TUBB3: variants seen among roughly 807,000 people sequenced by gnomAD.
TUBB3 encodes tubulin beta 3 class III.
In TUBB3, 17 loss-of-function variants were observed where a neutral mutation model predicts 37.8. The observed-to-expected ratio is 0.45, with a 90% CI of 0.31 to 0.67. TUBB3 has a LOEUF of 0.67. TUBB3 is among the 30% of genes least tolerant of loss of function. The probability of loss-of-function intolerance (pLI) is 0.07; values close to 1 mark genes in which losing one functional copy is unlikely to be tolerated. For missense variants in TUBB3, 262 were observed against 657.9 expected (o/e 0.40, Z 6.58); for synonymous variants, 332 against 278.9 (o/e 1.19, Z -1.90).
intron 1 of TUBB3, among the ~76,000 whole-genome samples, chr16:89,930,548 G>A (rs933759191): frequency 6.6e-5 from 10 of 151,206 alleles, no homozygotes; most frequent in Admixed American, 5.9e-4. Flanking sequence ...CTCAGCTTCC[G>A]GAGTAGCTGG....
upstream of TUBB3, among the ~76,000 whole-genome samples, chr16:89,922,819 T>C (rs1037807399): frequency 3.9e-5 from 6 of 152,186 alleles, no homozygotes; most frequent in African/African-American, 1.4e-4. Flanking sequence ...TCCGACGCTT[T>C]GTTTCTTCTC....
intron 3 of TUBB3, 177 bp downstream of exon 3, chr16:89,933,755 G>A: frequency 2.8e-6 from 2 of 713,886 alleles, no homozygotes; most frequent in Non-Finnish European, 5.1e-6. Flanking sequence ...AAAGGGTTCT[G>A]TGGGGAGAAC....
Position 89,933,456 on chromosome 16 carries a change from C to G in TUBB3, c.167-12C>G. 5.6e-6 allele frequency: 9 copies of G among 1,609,246 alleles called. No homozygotes were observed. The highest frequency in any genetic ancestry group is 7.7e-6 in the Non-Finnish European group (9 of 1,175,586). Reference sequence around the variant, plus strand: ...CTGTGACCCGAATCACCGAGCCCCTCTCTCCCCTCAGCTCACAAGTACGTG... The same window carrying G: ...CTGTGACCCGAATCACCGAGCCCCTGTCTCCCCTCAGCTCACAAGTACGTG... On this transcript the variant is annotated splice_polypyrimidine_tract_variant and intron_variant, in intron 2 of 3. Transcript: ENST00000315491.
chr16:89,926,467 G>T (rs2030088641), intron 1 of TUBB3, among the ~76,000 whole-genome samples: 1 of 152,240 alleles, frequency 6.6e-6, no homozygotes. Context: ...CTCAAAGCCC[G>T]GCCCCGCTTT....
intron 1 of TUBB3, among the ~76,000 whole-genome samples, chr16:89,926,551 C>T (rs1017403808): frequency 6.6e-5 from 10 of 152,328 alleles, no homozygotes; most frequent in South Asian, 4.1e-4. Context: ...CCTCGAACGC[C>T]GGGTTCTGCT....
At chr16:89,929,004 A>G (rs1444205693) in intron 1 of TUBB3, among the ~76,000 whole-genome samples, 3 of 134,796 alleles carry the variant, frequency 2.2e-5, no homozygotes, top group Non-Finnish European at 4.7e-5. Context: ...CTCTTGTCCC[A>G]CAGGCTGGTG....
At chr16:89,929,514 GT>G (rs1341579454) in intron 1 of TUBB3, among the ~76,000 whole-genome samples, 4 of 152,060 alleles carry the variant, frequency 2.6e-5, no homozygotes, top group Non-Finnish European at 5.9e-5. Flanking sequence ...TATTCTTAAG[GT>G]TTTAAAAACA....
chr16:89,926,845 G>A (rs559044041), intron 1 of TUBB3, among the ~76,000 whole-genome samples: 1 of 152,200 alleles, frequency 6.6e-6, no homozygotes, highest in East Asian at 1.9e-4. Flanking sequence ...AGCCTCCTGA[G>A]TAGCTGGGAT....
In TUBB3 at chr16:89,923,365, C is replaced by T. The variant is rs750230530; in HGVS notation, c.-37C>T. 4 of 1,443,580 alleles carry T rather than the reference C, an allele frequency of 2.8e-6. No homozygotes were observed. Among genetic ancestry groups the T allele is most frequent in the South Asian group, 2.7e-5 (2 of 75,428 alleles). 89.4% of individuals were successfully genotyped at this position (1,443,580 alleles called of 1,614,324 possible). ...CCCTCAGCAGCCAGCCCGGCCCGCC[C>T]GCGCCCGTCCGCAGCCGCCCGCCAG... On this transcript the variant is annotated 5_prime_UTR_variant, in exon 1 of 4. Transcript: ENST00000315491.
intron 2 of TUBB3, 77 bp from the exon 3 acceptor site, chr16:89,933,391 G>C (rs533631554): frequency 8.4e-7 from 1 of 1,192,752 alleles, no homozygotes; most frequent in Admixed American, 1.7e-5. Context: ...TGGCAGGCGG[G>C]CACAGAATTC....
chr16:89,923,511 C>T (rs1272804999), intron 1 of TUBB3, 53 bp downstream of exon 1: 2 of 1,345,616 alleles, frequency 1.5e-6, no homozygotes, highest in Non-Finnish European at 1.9e-6. Flanking sequence ...AGGAGGGAGG[C>T]GCCGTGCCCC....
At chr16:89,923,547 G>A in intron 1 of TUBB3, 89 bp downstream of exon 1, 2 of 1,219,282 alleles carry the variant, frequency 1.6e-6, no homozygotes, top group Non-Finnish European at 1.0e-6. Flanking sequence ...AGCTGCCCCC[G>A]CCCCTGCGAA....
intron 1 of TUBB3, among the ~76,000 whole-genome samples, chr16:89,929,637 C>T (rs891980332): frequency 4.2e-4 from 64 of 152,364 alleles, no homozygotes; most frequent in African/African-American, 1.5e-3. Flanking sequence ...GGCCCCTCCC[C>T]AGGCACAGCC....
At chr16:89,934,698 C>G in intron 3 of TUBB3, 31 bp from the exon 4 acceptor site, 1 of 1,608,656 alleles carries the variant, frequency 6.2e-7, no homozygotes, top group Non-Finnish European at 8.5e-7. Context: ...GTCCCTGGCC[C>G]CTGTCTCTTA....
At chr16:89,930,736 T>G (rs1306462942) in intron 1 of TUBB3, among the ~76,000 whole-genome samples, 1 of 152,040 alleles carries the variant, frequency 6.6e-6, no homozygotes, top group East Asian at 1.9e-4. Flanking sequence ...GGTCTTGATA[T>G]GAATTCCTAG....
intron 1 of TUBB3, among the ~76,000 whole-genome samples, chr16:89,927,250 G>A (rs2144405474): frequency 6.6e-6 from 1 of 151,700 alleles, no homozygotes; most frequent in Non-Finnish European, 1.5e-5. Context: ...GGACATGGAG[G>A]CACGCCGGCC....
At position 89,931,202 on chromosome 16, in the gene TUBB3, C is replaced by T. The variant is rs2030267031; in HGVS notation, c.58-1369C>T. On this transcript the variant is annotated intron_variant, in intron 1 of 3. Transcript: ENST00000315491. Reference sequence around the variant, plus strand: ...TCTTTGTCTACACTCCTGGGGTCCTCCCACGTCAGCCTCCCAAAGTGCTGG... The same window carrying T: ...TCTTTGTCTACACTCCTGGGGTCCTTCCACGTCAGCCTCCCAAAGTGCTGG... Among the ~76,000 whole-genome samples the T allele has an allele frequency of 2.0e-5, 3 of 152,322 alleles. No homozygotes were observed. The South Asian group carries it at 6.2e-4, about 32-fold the overall frequency.
intron 1 of TUBB3, chr16:89,932,125 A>C: frequency 3.3e-6 from 1 of 302,916 alleles, no homozygotes; most frequent in South Asian, 3.0e-5. Context: ...AGCGATCCTG[A>C]GCTCTGGGCC....
At chr16:89,928,673 C>T (rs944361153) in intron 1 of TUBB3, among the ~76,000 whole-genome samples, 33 of 152,060 alleles carry the variant, frequency 2.2e-4, no homozygotes, top group African/African-American at 4.6e-4. Context: ...TACAGGTGCC[C>T]GCCACCGCGC....
Sources: gnomAD v4.1 joint callset for allele counts (sites outside exome capture counted in the v4.1 genomes callset) on GRCh38, gnomAD v4.1.1 for gene constraint, MANE v1.5 for transcripts, NCBI Gene and HGNC (gene_info 2026-07-23, HGNC 2026-07-21) for gene names.